Variants in IGSF21 observed in about 807,000 individuals in gnomAD.
IGSF21 encodes the protein immunoglobin superfamily member 21.
IGSF21 carries 28 observed loss-of-function variants against 46.8 expected under a neutral mutation model. That is an observed-to-expected ratio of 0.60 (90% CI 0.44 to 0.82). IGSF21 has a LOEUF of 0.82. Among genes scored for constraint, IGSF21 ranks in the 40% least tolerant of loss-of-function variants. IGSF21 has a pLI of 0.00. For missense variants in IGSF21, 624 were observed against 665.5 expected, an observed-to-expected ratio of 0.94 and a Z score of 0.69; for synonymous variants, 284 against 273.6, an observed-to-expected ratio of 1.04 and a Z score of -0.38.
intron 3 of IGSF21, among the ~76,000 whole-genome samples, chr1:18,316,977 G>A (rs1389792306): frequency 6.6e-6 from 1 of 152,166 alleles, no homozygotes; most frequent in African/African-American, 2.4e-5. Context: ...TAACCTCAAG[G>A]ACAGAGTCCA....
intron 8 of IGSF21, 114 bp from the exon 9 acceptor site, chr1:18,377,279 G>T: frequency 1.0e-6 from 1 of 980,644 alleles, no homozygotes; most frequent in Middle Eastern, 2.1e-4. Flanking sequence ...TTGTGTGGCT[G>T]CACTGAGACA....
intron 2 of IGSF21, among the ~76,000 whole-genome samples, chr1:18,273,874 A>G (rs893958799): frequency 2.0e-5 from 3 of 152,042 alleles, no homozygotes; most frequent in African/African-American, 7.2e-5. Flanking sequence ...CTCAGGCTCT[A>G]TTAGGACCCC....
chr1:18,196,632 T>G (rs1434971954), intron 1 of IGSF21, among the ~76,000 whole-genome samples: 1 of 152,216 alleles, frequency 6.6e-6, no homozygotes. Flanking sequence ...AGAAGTGCTC[T>G]GTTTTATCTC....
chr1:18,257,731 A>G (rs2084905213), intron 2 of IGSF21, among the ~76,000 whole-genome samples: 1 of 152,198 alleles, frequency 6.6e-6, no homozygotes, highest in African/African-American at 2.4e-5. Context: ...TACAACCTGG[A>G]GGATTTAGCC....
chr1:18,377,039 G>A (rs2086290120), intron 8 of IGSF21, 47 bp downstream of exon 8: 2 of 1,540,762 alleles, frequency 1.3e-6, no homozygotes, highest in Middle Eastern at 1.7e-4. Context: ...ACAGGGGCGG[G>A]TCCTGTCTGG....
At chr1:18,355,317 C>T (rs1030921947) in intron 4 of IGSF21, among the ~76,000 whole-genome samples, 1 of 152,150 alleles carries the variant, frequency 6.6e-6, no homozygotes, top group Non-Finnish European at 1.5e-5. Context: ...GCATTGTCTC[C>T]GAAGTGAGTT....
chr1:18,169,335 G>A (rs1182397065), intron 1 of IGSF21, among the ~76,000 whole-genome samples: 1 of 152,206 alleles, frequency 6.6e-6, no homozygotes, highest in Non-Finnish European at 1.5e-5. Context: ...TGTGCTTGGG[G>A]AATTCCACTC....
intron 1 of IGSF21, among the ~76,000 whole-genome samples, chr1:18,134,620 G>A (rs1291082204): frequency 1.3e-5 from 2 of 152,098 alleles, no homozygotes; most frequent in African/African-American, 2.4e-5. Flanking sequence ...GGATGCACAT[G>A]GGCATTGGCC....
chr1:18,304,169 G>A (rs1018832084), intron 3 of IGSF21, among the ~76,000 whole-genome samples: 17 of 152,200 alleles, frequency 1.1e-4, no homozygotes, highest in Non-Finnish European at 2.5e-4. Context: ...CATAGCCATT[G>A]CATTTGGGAG....
rs375556219 is a variant in IGSF21 at position 18,160,552 on chromosome 1, T to C, written c.70+52354T>C. 9.2e-3 allele frequency among the ~76,000 whole-genome samples: 1,128 copies of C among 122,958 alleles called. 11 individuals are homozygous for C. The highest frequency in any genetic ancestry group is 0.026 in the African/African-American group (1,044 of 39,446). The allele number at this position is 122,958 out of a possible 152,430, so 80.7% of individuals were successfully genotyped here. A position where few individuals can be genotyped will look rare whatever the true frequency, so the allele number is the denominator to read the frequency against. ...TAGCTGGGCGAACTTGTGTGTTTTCTGGTTTAAGTCATAATTTCTTTTCTG... is the reference window on the plus strand; with the variant it reads ...TAGCTGGGCGAACTTGTGTGTTTTCCGGTTTAAGTCATAATTTCTTTTCTG... On this transcript the variant is annotated intron_variant, in intron 1 of 9. Transcript: ENST00000251296.
chr1:18,305,513 A>ATGGATGG (rs61463668), intron 3 of IGSF21, among the ~76,000 whole-genome samples: 2,277 of 128,088 alleles, frequency 0.018, 114 homozygotes, highest in Middle Eastern at 0.041. Context: ...TGGATGGATG[A>ATGGATGG]ATGGATGGAT....
At chr1:18,164,473 T>C (rs749680655) in intron 1 of IGSF21, among the ~76,000 whole-genome samples, 3 of 152,040 alleles carry the variant, frequency 2.0e-5, no homozygotes, top group Non-Finnish European at 4.4e-5. Context: ...TAAATTGCCC[T>C]CTACAGAGGT....
intron 4 of IGSF21, among the ~76,000 whole-genome samples, chr1:18,348,495 G>A (rs1339175261): frequency 6.6e-6 from 1 of 152,182 alleles, no homozygotes; most frequent in Admixed American, 6.5e-5. Flanking sequence ...CTCCACCCCT[G>A]GGAGCTGGAT....
At chr1:18,375,987 G>C in intron 6 of IGSF21, 1 of 261,852 alleles carries the variant, frequency 3.8e-6, no homozygotes, top group South Asian at 4.7e-5. Context: ...CTCTGATCTT[G>C]TCCCTCATGG....
At chr1:18,349,281 C>G (rs1418642536) in intron 4 of IGSF21, among the ~76,000 whole-genome samples, 2 of 152,044 alleles carry the variant, frequency 1.3e-5, no homozygotes, top group Non-Finnish European at 2.9e-5. Context: ...CAGTGTTGGC[C>G]CTCAAGGAGT....
In IGSF21 at chr1:18,258,673, C is replaced by T. The variant is rs985147259; in HGVS notation, c.183+30663C>T. ...ACCTGCATTCAAAGCTTGGTCCTTG[C>T]GTTTTCCAGCTGTGTAACCTTGGGC... On this transcript the variant is annotated intron_variant, in intron 2 of 9. Coordinates refer to ENST00000251296, the MANE Select transcript of IGSF21 (RefSeq NM_032880.5). 7.2e-5 allele frequency among the ~76,000 whole-genome samples: 11 copies of T among 152,260 alleles called. No individual in the cohort carries two copies. The East Asian group carries it at 1.7e-3, about 24-fold the overall frequency.
intron 1 of IGSF21, among the ~76,000 whole-genome samples, chr1:18,134,224 C>T (rs144350025): frequency 1.4e-4 from 21 of 152,262 alleles, no homozygotes; most frequent in Non-Finnish European, 3.1e-4. Flanking sequence ...CTGTGGCCTT[C>T]CCATTACCTG....
chr1:18,175,005 T>C (rs1241563231), intron 1 of IGSF21, among the ~76,000 whole-genome samples: 1 of 152,216 alleles, frequency 6.6e-6, no homozygotes, highest in African/African-American at 2.4e-5. Context: ...CACTGCCATC[T>C]TGCAGATGAT....
chr1:18,351,570 C>T (rs555140709), intron 4 of IGSF21, among the ~76,000 whole-genome samples: 5 of 152,280 alleles, frequency 3.3e-5, no homozygotes, highest in Admixed American at 1.3e-4. Context: ...GGAGGACGGA[C>T]GAGCAACAGC....
Sources: allele counts gnomAD v4.1 joint callset (sites outside exome capture counted in the v4.1 genomes callset), GRCh38; gene constraint gnomAD v4.1.1; transcripts MANE v1.5; gene names NCBI Gene and HGNC (gene_info 2026-07-23, HGNC 2026-07-21).